The following SOX6 variants were observed in gnomAD, a reference collection of about 807,000 sequenced individuals.
SOX6 encodes SRY-box transcription factor 6.
SOX6 carries 11 observed loss-of-function variants against 97.8 expected under a neutral mutation model. That is an observed-to-expected ratio of 0.11 (90% CI 0.07 to 0.19). SOX6 has a LOEUF of 0.19. SOX6 is among the 10% of genes least tolerant of loss of function. The probability of loss-of-function intolerance (pLI) is 1.00; values close to 1 mark genes in which losing one functional copy is unlikely to be tolerated. For missense variants in SOX6, 810 were observed against 1,039.5 expected, an observed-to-expected ratio of 0.78 and a Z score of 3.04; for synonymous variants, 360 against 371.4, an observed-to-expected ratio of 0.97 and a Z score of 0.35.
rs574337253 is a variant in SOX6, at chr11:16,540,810, T to C, written n.610-64422A>G. ...AGGAGAACTACAAACCACTGCTCAA[T>C]GAAATAAAAGAGGATACAAACAAAT... is the stretch of plus-strand genomic sequence containing the variant. On this transcript the variant is annotated intron_variant and non_coding_transcript_variant, in intron 4 of 5. Coordinates refer to the SOX6 transcript ENST00000524520. 4.1e-3 allele frequency among the ~76,000 whole-genome samples: 626 copies of C among 152,004 alleles called. 3 individuals are homozygous for C. Among genetic ancestry groups the C allele is most frequent in the Admixed American group, 5.6e-3 (85 of 15,262 alleles).
In SOX6 at chr11:16,576,769, A is replaced by G. The variant is rs117032378; in HGVS notation, n.609+35312T>C. 3.3e-4 allele frequency: 50 copies of G among 152,364 alleles called. No homozygotes were observed. In the East Asian group the frequency reaches 8.9e-3, roughly 27 times the overall value. 9.4% of individuals were successfully genotyped at this position (152,364 alleles called of 1,614,324 possible). A position where few individuals can be genotyped will look rare whatever the true frequency, so the allele number is the denominator to read the frequency against. On this transcript the variant is annotated intron_variant and non_coding_transcript_variant, in intron 4 of 5. Transcript: ENST00000524520. ...TGAAAGGTCTTTATCCTCATTTAAT[A>G]GACCCTATATGATATTACAGATATT...
At chr11:16,083,823 A>G (rs1848523776) in intron 9 of SOX6, among the ~76,000 whole-genome samples, 1 of 152,118 alleles carries the variant, frequency 6.6e-6, no homozygotes, top group Admixed American at 6.6e-5. Context: ...CTATGGGGGT[A>G]TTTTTCCTAA....
At chr11:16,363,451 C>CA (rs905290154) in intron 1 of SOX6, among the ~76,000 whole-genome samples, 3 of 151,834 alleles carry the variant, frequency 2.0e-5, no homozygotes, top group Admixed American at 6.6e-5. Flanking sequence ...AAAATCCTCC[C>CA]AAAAAAAGTC....
chr11:16,361,003 A>AG (rs1491397152), upstream of SOX6, among the ~76,000 whole-genome samples: 20 of 143,858 alleles, frequency 1.4e-4, 1 homozygote, highest in African/African-American at 5.1e-4. Context: ...ACTCCATCTC[A>AG]AAAAAAAAAA....
intron 1 of SOX6, among the ~76,000 whole-genome samples, chr11:16,429,799 A>G (rs759877713): frequency 4.6e-5 from 7 of 152,182 alleles, no homozygotes; most frequent in Non-Finnish European, 8.8e-5. Context: ...CGTATGTAAC[A>G]AACATGTACA....
chr11:16,578,303 A>G (rs1848001948), intron 4 of SOX6, among the ~76,000 whole-genome samples: 2 of 152,210 alleles, frequency 1.3e-5, no homozygotes, highest in South Asian at 4.1e-4. Context: ...ATTTGAAAAG[A>G]AGATTTCAGA....
chr11:16,301,387 A>G (rs1486630546), intron 3 of SOX6, among the ~76,000 whole-genome samples: 1 of 152,194 alleles, frequency 6.6e-6, no homozygotes, highest in African/African-American at 2.4e-5. Flanking sequence ...TTACAGAACA[A>G]TATAGTAGAG....
intron 3 of SOX6, among the ~76,000 whole-genome samples, chr11:16,661,020 AACCTGTCTT>A (rs1847762211): frequency 6.6e-6 from 1 of 152,222 alleles, no homozygotes; most frequent in East Asian, 1.9e-4. Context: ...CTAACTGCTG[AACCTGTCTT>A]TTACTGATAA....
chr11:16,403,912 G>A (rs558263337), intron 1 of SOX6, among the ~76,000 whole-genome samples: 120 of 151,726 alleles, frequency 7.9e-4, no homozygotes, highest in Non-Finnish European at 1.4e-3. Context: ...ATAACCTGGA[G>A]AACAAGAAAC....
At chr11:16,431,580 T>C (rs1265386916) in intron 1 of SOX6, among the ~76,000 whole-genome samples, 1 of 152,010 alleles carries the variant, frequency 6.6e-6, no homozygotes, top group Admixed American at 6.6e-5. Flanking sequence ...ATTAAAATAT[T>C]CCAATTTATA....
chr11:16,056,480 A>G (rs1847818559), intron 9 of SOX6, among the ~76,000 whole-genome samples: 1 of 152,148 alleles, frequency 6.6e-6, no homozygotes, highest in Non-Finnish European at 1.5e-5. Flanking sequence ...GTATAACATA[A>G]TCCTCAAGAG....
chr11:16,031,411 G>T (rs1408532880), intron 12 of SOX6: 1 of 152,124 alleles, frequency 6.6e-6, no homozygotes, highest in Non-Finnish European at 1.5e-5. Flanking sequence ...ATGTGTACTG[G>T]TTGTCTCTCA....
At chr11:16,283,093 A>G (rs1316910895) in intron 3 of SOX6, among the ~76,000 whole-genome samples, 3 of 93,852 alleles carry the variant, frequency 3.2e-5, no homozygotes, top group African/African-American at 9.5e-5. Context: ...TAATTTGTAT[A>G]TATATATATA....
chr11:16,562,517 G>A (rs1457469109), intron 4 of SOX6, among the ~76,000 whole-genome samples: 1 of 152,048 alleles, frequency 6.6e-6, no homozygotes, highest in Non-Finnish European at 1.5e-5. Flanking sequence ...ATAAACACTG[G>A]AGAAAAAATA....
In SOX6 at chr11:16,036,376, G is replaced by A. The variant is rs150419340; in HGVS notation, c.1623+10138C>T. On this transcript the variant is annotated intron_variant, in intron 12 of 15. Coordinates refer to ENST00000683767, the MANE Select transcript of SOX6 (RefSeq NM_001367873.1). ...TTACAGGTGTGAGCCACTGCACCCG[G>A]CCTGATTCAACTCTTCTTATAGTGT... 9.2e-4 allele frequency among the ~76,000 whole-genome samples: 140 copies of A among 152,242 alleles called. 1 individual carries two copies. The East Asian group carries it at 0.024, about 26-fold the overall frequency.
chr11:16,492,461 A>G (rs1247016148), intron 4 of SOX6, among the ~76,000 whole-genome samples: 1 of 152,200 alleles, frequency 6.6e-6, no homozygotes, highest in African/African-American at 2.4e-5. Context: ...GAGATGGGGG[A>G]GTAAACACCA....
intron 1 of SOX6, among the ~76,000 whole-genome samples, chr11:16,473,963 A>G (rs937583570): frequency 4.6e-5 from 7 of 152,230 alleles, no homozygotes. Context: ...TATCAACTAC[A>G]TTTATGTAAT....
At chr11:16,097,032 C>A (rs932681613) in intron 8 of SOX6, among the ~76,000 whole-genome samples, 2 of 151,662 alleles carry the variant, frequency 1.3e-5, no homozygotes, top group Non-Finnish European at 2.9e-5. Context: ...AATCAGCTTC[C>A]AAAACACTTT....
chr11:16,441,840 G>A (rs139825867), intron 1 of SOX6, among the ~76,000 whole-genome samples: 29 of 152,108 alleles, frequency 1.9e-4, no homozygotes, highest in African/African-American at 6.0e-4. Flanking sequence ...CCAGAAACAC[G>A]CCGGTATTTT....
Sources: gnomAD v4.1 joint callset for allele counts (sites outside exome capture counted in the v4.1 genomes callset) on GRCh38, gnomAD v4.1.1 for gene constraint, MANE v1.5 for transcripts, NCBI Gene and HGNC (gene_info 2026-07-23, HGNC 2026-07-21) for gene names.